LHFPL3: variants seen among roughly 807,000 people sequenced by gnomAD.
LHFPL3 encodes the protein LHFPL tetraspan subfamily member 3, also known as LHFPL tetraspan subfamily member 3 protein.
LHFPL3 carries 5 observed loss-of-function variants against 19.3 expected under a neutral mutation model. That is an observed-to-expected ratio of 0.26 (90% CI 0.14 to 0.54). The LOEUF (loss-of-function observed/expected upper bound fraction) is 0.54. Among genes scored for constraint, LHFPL3 ranks in the 20% least tolerant of loss-of-function variants. The pLI is 0.94. For synonymous variants in LHFPL3, 133 were observed against 126.2 expected, an observed-to-expected ratio of 1.05 and a Z score of -0.36; for missense variants, 249 against 307.4, an observed-to-expected ratio of 0.81 and a Z score of 1.42.
chr7:104,735,362 C>T (rs577596722), intron 1 of LHFPL3, among the ~76,000 whole-genome samples: 1 of 152,382 alleles, frequency 6.6e-6, no homozygotes, highest in Non-Finnish European at 1.5e-5. Flanking sequence ...CGGTGGGCTC[C>T]ACCCAGTTCG....
At position 104,848,900 on chromosome 7, in the gene LHFPL3, GTTT is replaced by G. The variant is rs529645748; in HGVS notation, c.683-57279_683-57277del. On this transcript the variant is annotated intron_variant, in intron 2 of 2. Coordinates refer to ENST00000424859, the MANE Select transcript of LHFPL3 (RefSeq NM_199000.3). ...AACTCTGCCTTTTTTTGTTTTTTTG[GTTT>G]TTTTTTTGTTGTTGTTGTTGTTGTT... Among the ~76,000 whole-genome samples, 412 of 149,384 alleles carry G rather than the reference GTTT, an allele frequency of 2.8e-3. 2 individuals carry two copies. Among genetic ancestry groups the G allele is most frequent in the African/African-American group, 9.3e-3 (382 of 40,998 alleles).
chr7:104,895,712 A>C (rs1008135399), intron 2 of LHFPL3: 32 of 152,340 alleles, frequency 2.1e-4, no homozygotes, highest in African/African-American at 7.7e-4. Context: ...AAAAGAGAGA[A>C]GTCACAAGAG....
At chr7:104,794,066 T>A (rs1158918777) in intron 2 of LHFPL3, among the ~76,000 whole-genome samples, 4 of 152,202 alleles carry the variant, frequency 2.6e-5, no homozygotes, top group South Asian at 2.1e-4. Context: ...TCACTGAACA[T>A]ACACGTATGA....
intron 1 of LHFPL3, among the ~76,000 whole-genome samples, chr7:104,653,649 C>T (rs543267754): frequency 7.2e-5 from 11 of 152,300 alleles, no homozygotes; most frequent in African/African-American, 2.6e-4. Context: ...TTGCAAACAC[C>T]CCTGCTCTAA....
rs28590056 is a variant in LHFPL3 at position 104,842,095 on chromosome 7, A to C, written c.683-64092A>C. On this transcript the variant is annotated intron_variant, in intron 2 of 2. Transcript: ENST00000424859. ...TTCATCTGTCCTAGACAGCACTTTT[A>C]TAGAGGATTAAAATCAGTTTCTAAA... is the stretch of plus-strand genomic sequence containing the variant. Among the ~76,000 whole-genome samples the C allele has an allele frequency of 1.4e-3, 215 of 151,614 alleles. 1 individual carries two copies. Among genetic ancestry groups the C allele is most frequent in the African/African-American group, 4.9e-3 (201 of 41,290 alleles).
At chr7:104,678,647 T>A (rs769337058) in intron 1 of LHFPL3, among the ~76,000 whole-genome samples, 2 of 152,190 alleles carry the variant, frequency 1.3e-5, no homozygotes, top group African/African-American at 4.8e-5. Flanking sequence ...GTAACTGTTA[T>A]ACTCTGATGG....
In LHFPL3 at chr7:104,908,168, T is replaced by G. The variant is rs1197562708; in HGVS notation, c.*1953T>G. Among the ~76,000 whole-genome samples, 1 of 152,214 alleles carries G rather than the reference T, an allele frequency of 6.6e-6. No homozygotes were observed. Among genetic ancestry groups the G allele is most frequent in the Non-Finnish European group, 1.5e-5 (1 of 68,026 alleles). On this transcript the variant is annotated 3_prime_UTR_variant, in exon 3 of 3. Transcript: ENST00000424859. ...TAATCCATGCAAACTACAAATTCCA[T>G]CGGGAGTCCTACATCACTAACAGTG...
At chr7:104,518,747 G>A (rs932684784) in intron 1 of LHFPL3, among the ~76,000 whole-genome samples, 1 of 151,934 alleles carries the variant, frequency 6.6e-6, no homozygotes, top group African/African-American at 2.4e-5. Context: ...TTACACCACT[G>A]CACTCCAACC....
chr7:104,469,430 A>T (rs1298554247), intron 1 of LHFPL3, among the ~76,000 whole-genome samples: 1 of 152,104 alleles, frequency 6.6e-6, no homozygotes, highest in African/African-American at 2.4e-5. Context: ...GTCAAACTGG[A>T]CTTTATTTGT....
chr7:104,718,236 T>A lies in LHFPL3; in HGVS notation c.446-18439T>A, dbSNP rs550027563. On this transcript the variant is annotated intron_variant, in intron 1 of 2. Transcript: ENST00000424859. ...AGAGATTCGTAGAACATTGTGCTTA[T>A]AGTTAATAATACTATATTGTGTGCT... 3.9e-5 allele frequency among the ~76,000 whole-genome samples: 6 copies of A among 152,316 alleles called. No homozygotes were observed. The East Asian group carries it at 9.6e-4, about 24-fold the overall frequency.
At chr7:104,559,471 G>A (rs1157454557) in intron 1 of LHFPL3, among the ~76,000 whole-genome samples, 1 of 149,126 alleles carries the variant, frequency 6.7e-6, no homozygotes, top group South Asian at 2.1e-4. Context: ...TCATGATTTG[G>A]CTCTCTGTTT....
At chr7:104,512,245 G>C (rs1316255982) in intron 1 of LHFPL3, among the ~76,000 whole-genome samples, 1 of 151,786 alleles carries the variant, frequency 6.6e-6, no homozygotes, top group South Asian at 2.1e-4. Context: ...ATGAGCCACA[G>C]CATCTGGCCC....
chr7:104,897,378 G>A (rs926747046), intron 2 of LHFPL3, among the ~76,000 whole-genome samples: 2 of 152,154 alleles, frequency 1.3e-5, no homozygotes, highest in African/African-American at 4.8e-5. Context: ...TTGGTCTAGA[G>A]AGGAAGCATA....
At chr7:104,598,484 G>T (rs535780563) in intron 1 of LHFPL3, among the ~76,000 whole-genome samples, 1 of 152,194 alleles carries the variant, frequency 6.6e-6, no homozygotes, top group Non-Finnish European at 1.5e-5. Flanking sequence ...ACCAAGAGGT[G>T]GCAGTGGTCC....
At chr7:104,788,217 T>C (rs142591501) in intron 2 of LHFPL3, among the ~76,000 whole-genome samples, 1 of 152,268 alleles carries the variant, frequency 6.6e-6, no homozygotes, top group African/African-American at 2.4e-5. Context: ...GTCAACTAAT[T>C]TATAGTCTAA....
At chr7:104,450,287 A>T (rs935200042) in intron 1 of LHFPL3, among the ~76,000 whole-genome samples, 1 of 152,186 alleles carries the variant, frequency 6.6e-6, no homozygotes, top group Non-Finnish European at 1.5e-5. Context: ...TTACCTTCAG[A>T]ATTGTAAATC....
chr7:104,603,066 TTTTCTTTCTTTCTTTCTTTC>T (rs373564018), intron 1 of LHFPL3, among the ~76,000 whole-genome samples: 1,408 of 108,870 alleles, frequency 0.013, 11 homozygotes, highest in Middle Eastern at 0.033. Flanking sequence ...CTTTCTTTCT[TTTTCTTTCTTTCTTTCTTTC>T]TTTCTTTCTT....
chr7:104,547,512 G>T (rs1380410921), intron 1 of LHFPL3, among the ~76,000 whole-genome samples: 1 of 152,038 alleles, frequency 6.6e-6, no homozygotes, highest in Non-Finnish European at 1.5e-5. Context: ...GATCCTTGAG[G>T]TTGCAGTCAA....
Position 104,328,936 on chromosome 7 carries a change from G to T in LHFPL3, c.157G>T (p.Val53Leu), listed in dbSNP as rs1027693428. ...FTICFAIVNV[V>L]CFIQPYWIGD... ...CATCTGCTTTGCCATCGTCAACGTG[G>T]TGTGCTTCATCCAGCCCTACTGGAT... Residue 53 changes from valine (V) to leucine (L), a missense_variant, in exon 1 of 3, where the codon GTG becomes TTG. Val to Leu is a conservative substitution (Grantham distance 32, BLOSUM62 1). Transcript: ENST00000424859. This position sits in a 1 kb window ranked among gnomAD's most constrained non-coding sequence, Gnocchi z 4.6. The T allele has an allele frequency of 1.9e-6, 3 of 1,614,094 alleles. No homozygotes were observed. The highest frequency in any genetic ancestry group is 1.3e-5 in the African/African-American group (1 of 74,936).
Sources: allele counts gnomAD v4.1 joint callset (sites outside exome capture counted in the v4.1 genomes callset), GRCh38; gene constraint gnomAD v4.1.1; non-coding constraint Gnocchi (gnomAD v3.1); transcripts MANE v1.5; gene names NCBI Gene and HGNC (gene_info 2026-07-23, HGNC 2026-07-21).